The following ZNF766 variants were observed in gnomAD, a reference collection of about 807,000 sequenced individuals.
ZNF766 encodes the protein zinc finger protein 766.
A neutral mutation model predicts 13.2 loss-of-function variants in ZNF766; 13 were observed. The ratio of observed to expected loss-of-function variants is 0.98; its 90% CI spans 0.64 to 1.56. The LOEUF (loss-of-function observed/expected upper bound fraction) is 1.56. Ranked by LOEUF, ZNF766 falls within the 40% of genes most tolerant of loss-of-function variation. The probability of loss-of-function intolerance (pLI) is 0.00; values close to 1 mark genes in which losing one functional copy is unlikely to be tolerated. For missense variants in ZNF766, 521 were observed against 552.2 expected (o/e 0.94, Z 0.57); for synonymous variants, 178 against 187.6 (o/e 0.95, Z 0.42).
chr19:52,292,269 G>T lies in ZNF766; in HGVS notation c.*1071G>T. On this transcript the variant is annotated 3_prime_UTR_variant, in exon 4 of 4. Transcript: ENST00000439461. ...ACACTGCCTTTTCAGATTAAAGATT[G>T]TCTGATTTAGAGACCATGGAGGTGG... 4.4e-6 allele frequency: 3 copies of T among 688,300 alleles called. No homozygotes were observed. The East Asian group carries it at 8.1e-5, about 19-fold the overall frequency. The allele number at this position is 688,300 out of a possible 1,614,324, so 42.6% of individuals were successfully genotyped here. A position where few individuals can be genotyped will look rare whatever the true frequency, so the allele number is the denominator to read the frequency against.
chr19:52,269,657 G>T lies in ZNF766; in HGVS notation c.18+26G>T, dbSNP rs1224015337. On this transcript the variant is annotated intron_variant, in intron 1 of 3. Coordinates refer to ENST00000439461, the MANE Select transcript of ZNF766 (RefSeq NM_001010851.3). ...GTGAGTTTTCCTTTGTTTAGATTAA[G>T]TGTTCGCTTAGCGGTGCCCTCACGC... 7 of 1,612,376 alleles carry T rather than the reference G, an allele frequency of 4.3e-6. No homozygotes were observed. In the East Asian group the frequency reaches 1.6e-4, roughly 36 times the overall value.
In ZNF766 at chr19:52,283,332, A is replaced by G; in HGVS notation, c.193A>G (p.Thr65Ala). The G allele has an allele frequency of 6.2e-7, 1 of 1,614,078 alleles. No individual in the cohort carries two copies. Among genetic ancestry groups the G allele is most frequent in the Admixed American group, 1.7e-5 (1 of 60,008 alleles). Reference sequence around the variant, plus strand: ...TATTATCTCCATGATGAAGCAAAGGACAGAGCCCTGGACTGTGGAGAATGA... The same window carrying G: ...TATTATCTCCATGATGAAGCAAAGGGCAGAGCCCTGGACTGTGGAGAATGA... ...LSIISMMKQRTEPWTVENEMK... is the reference protein window; with the variant it reads ...LSIISMMKQRAEPWTVENEMK... Residue 65 changes from threonine (T) to alanine (A), a missense_variant, in exon 3 of 4, where the codon ACA becomes GCA. Thr to Ala is a moderately conservative substitution (Grantham distance 58). Coordinates refer to ENST00000439461, the MANE Select transcript of ZNF766 (RefSeq NM_001010851.3).
At chr19:52,273,473 T>C (rs1175201266) in intron 1 of ZNF766, among the ~76,000 whole-genome samples, 1 of 152,124 alleles carries the variant, frequency 6.6e-6, no homozygotes, top group Admixed American at 6.6e-5. Context: ...CCTCCCTGTG[T>C]CCCCCTCGTT....
chr19:52,287,374 C>T (rs919452912), intron 3 of ZNF766, among the ~76,000 whole-genome samples: 1 of 152,110 alleles, frequency 6.6e-6, no homozygotes, highest in Non-Finnish European at 1.5e-5. Context: ...AACTCTTGAC[C>T]TCGTGATCTG....
chr19:52,276,814 T>A (rs1286750772), intron 1 of ZNF766, among the ~76,000 whole-genome samples: 2 of 152,176 alleles, frequency 1.3e-5, no homozygotes, highest in Non-Finnish European at 2.9e-5. Flanking sequence ...GAAGGCTGAG[T>A]TCAGCCTCTG....
At chr19:52,284,144 C>G (rs974090356) in intron 3 of ZNF766, among the ~76,000 whole-genome samples, 1 of 152,240 alleles carries the variant, frequency 6.6e-6, no homozygotes, top group African/African-American at 2.4e-5. Flanking sequence ...AATACCCTGT[C>G]ATGTGGCTTC....
intron 3 of ZNF766, among the ~76,000 whole-genome samples, chr19:52,285,394 T>A (rs190493649): frequency 6.6e-6 from 1 of 152,308 alleles, no homozygotes; most frequent in East Asian, 1.9e-4. Context: ...CAGTTGCAAG[T>A]CTGGGTCTCC....
rs1176714752 is a variant in ZNF766, at chr19:52,294,823, C to T, written c.*3625C>T. Reference sequence around the variant, plus strand: ...TACGTTCCTTTTATAGTTACAGATACAGGTCTCATTGCACAATATGATTGT... The same window carrying T: ...TACGTTCCTTTTATAGTTACAGATATAGGTCTCATTGCACAATATGATTGT... On this transcript the variant is annotated 3_prime_UTR_variant, in exon 4 of 4. Coordinates refer to ENST00000439461, the MANE Select transcript of ZNF766 (RefSeq NM_001010851.3). The T allele has an allele frequency of 1.3e-5, 2 of 152,076 alleles. No individual in the cohort carries two copies. The highest frequency in any genetic ancestry group is 2.9e-5 in the Non-Finnish European group (2 of 68,030). The allele number at this position is 152,076 out of a possible 1,614,324, so 9.4% of individuals were successfully genotyped here.
chr19:52,280,405 G>T (rs1475057308), intron 1 of ZNF766, among the ~76,000 whole-genome samples: 1 of 151,932 alleles, frequency 6.6e-6, no homozygotes, highest in Non-Finnish European at 1.5e-5. Context: ...TAAAAAATAG[G>T]TCATTGAGAG....
intron 1 of ZNF766, among the ~76,000 whole-genome samples, chr19:52,280,377 AAG>A (rs1260204444): frequency 3.9e-5 from 6 of 152,088 alleles, no homozygotes; most frequent in Non-Finnish European, 1.5e-5. Context: ...TTTTTTAAAA[AAG>A]ATGACAAATA....
intron 1 of ZNF766, among the ~76,000 whole-genome samples, chr19:52,277,927 G>GT (rs1285760338): frequency 6.6e-6 from 1 of 151,566 alleles, no homozygotes; most frequent in Non-Finnish European, 1.5e-5. Flanking sequence ...ATGTGCACAA[G>GT]TACCTGGTAA....
intron 1 of ZNF766, among the ~76,000 whole-genome samples, chr19:52,272,440 G>T (rs554403221): frequency 6.6e-6 from 1 of 152,138 alleles, no homozygotes; most frequent in East Asian, 1.9e-4. Context: ...CTGAATGTGG[G>T]AGTGTCCCAT....
chr19:52,285,290 G>T (rs1981758496), intron 3 of ZNF766, among the ~76,000 whole-genome samples: 1 of 152,110 alleles, frequency 6.6e-6, no homozygotes, highest in African/African-American at 2.4e-5. Flanking sequence ...CAGCAGCTGG[G>T]TGTCCTCCAA....
chr19:52,291,939 G>T lies in ZNF766; in HGVS notation c.*741G>T. On this transcript the variant is annotated 3_prime_UTR_variant, in exon 4 of 4. Coordinates refer to ENST00000439461, the MANE Select transcript of ZNF766 (RefSeq NM_001010851.3). ...ATAAAAAAAATAAGCCAGGCCCTTG[G>T]CATGTGTCTGTAGTTCCAGCTACTC... is the stretch of plus-strand genomic sequence containing the variant. 1.9e-6 allele frequency: 1 copy of T among 538,982 alleles called. No individual in the cohort carries two copies. The highest frequency in any genetic ancestry group is 3.3e-6 in the Non-Finnish European group (1 of 304,232). The allele number at this position is 538,982 out of a possible 1,614,324, so 33.4% of individuals were successfully genotyped here.
Position 52,275,805 on chromosome 19 carries a change from C to T in ZNF766, c.18+6174C>T, listed in dbSNP as rs550386705. ...AAGTGATTCTCCTGCCTCAGCCTCC[C>T]GAGTAGCTGGGATTACAGGCACCCA... On this transcript the variant is annotated intron_variant, in intron 1 of 3. Coordinates refer to ENST00000439461, the MANE Select transcript of ZNF766 (RefSeq NM_001010851.3). Among the ~76,000 whole-genome samples, 21 of 152,024 alleles carry T rather than the reference C, an allele frequency of 1.4e-4. No individual in the cohort carries two copies. In the South Asian group the frequency reaches 3.9e-3, roughly 29 times the overall value.
intron 1 of ZNF766, among the ~76,000 whole-genome samples, chr19:52,273,357 G>A (rs1202030284): frequency 6.6e-6 from 1 of 152,214 alleles, no homozygotes; most frequent in Non-Finnish European, 1.5e-5. Flanking sequence ...TACTAAAACA[G>A]ATGAGGAAAT....
intron 3 of ZNF766, 111 bp from the exon 4 acceptor site, chr19:52,289,955 C>T (rs1298958835): frequency 9.2e-6 from 10 of 1,086,396 alleles, no homozygotes; most frequent in South Asian, 1.7e-5. Context: ...GATCCGAGAT[C>T]GTGCCACTGC....
rs151009089 is a variant in ZNF766, at chr19:52,276,813, G to A, written c.19-5298G>A. Among the ~76,000 whole-genome samples, 200 of 152,366 alleles carry A rather than the reference G, an allele frequency of 1.3e-3. 6 individuals are homozygous for A. The East Asian group carries it at 0.023, about 17-fold the overall frequency. Reference sequence around the variant, plus strand: ...CCGTGTTCTCATTTCTGAAGGCTGAGTTCAGCCTCTGATTCACAAAGAGGT... The same window carrying A: ...CCGTGTTCTCATTTCTGAAGGCTGAATTCAGCCTCTGATTCACAAAGAGGT... On this transcript the variant is annotated intron_variant, in intron 1 of 3. Transcript: ENST00000439461.
At chr19:52,289,959 C>T (rs1568622863) in intron 3 of ZNF766, 107 bp from the exon 4 acceptor site, 2 of 1,134,480 alleles carry the variant, frequency 1.8e-6, no homozygotes. Flanking sequence ...CGAGATCGTG[C>T]CACTGCACTC....
Sources: gnomAD v4.1 joint callset for allele counts (sites outside exome capture counted in the v4.1 genomes callset) on GRCh38, gnomAD v4.1.1 for gene constraint, MANE v1.5 for transcripts, NCBI Gene and HGNC (gene_info 2026-07-23, HGNC 2026-07-21) for gene names.